The following NCS1 variants were observed in gnomAD, a reference collection of about 807,000 sequenced individuals.
NCS1 encodes the protein frequenin homolog.
Under a neutral mutation model 28.4 loss-of-function variants are expected in NCS1, and 6 were observed. The observed-to-expected ratio is 0.21, with a 90% CI of 0.12 to 0.42. The LOEUF is 0.42. Among genes scored for constraint, NCS1 ranks in the 10% least tolerant of loss-of-function variants. The pLI is 1.00. For missense variants in NCS1, 131 were observed against 241.4 expected, an observed-to-expected ratio of 0.54 and a Z score of 3.03; for synonymous variants, 86 against 99.3, an observed-to-expected ratio of 0.87 and a Z score of 0.79.
rs563467774 is a variant in NCS1, at chr9:130,192,951, G to A, written c.65-8007G>A. On this transcript the variant is annotated intron_variant, in intron 1 of 7. Transcript: ENST00000372398. This position sits in a 1 kb window ranked among gnomAD's most constrained non-coding sequence, Gnocchi z 4.8. ...GTCCTCTCTCACAGATGGGGAAACC[G>A]AAACCCAAACTGGGGAAAAAACCGG... Among the ~76,000 whole-genome samples the A allele has an allele frequency of 5.9e-5, 9 of 152,338 alleles. No individual in the cohort carries two copies. The East Asian group carries it at 1.2e-3, about 20-fold the overall frequency.
Position 130,178,223 on chromosome 9 carries a change from C to T in NCS1, c.64+5496C>T, listed in dbSNP as rs540507102. Among the ~76,000 whole-genome samples, 15 of 152,328 alleles carry T rather than the reference C, an allele frequency of 9.8e-5. No homozygotes were observed. In the South Asian group the frequency reaches 2.9e-3, roughly 29 times the overall value. ...AGCTGGTCCTTGGGGTGCAAGTCTT[C>T]CGCATCCAGGGCAGGTGGCCTGTGG... On this transcript the variant is annotated intron_variant, in intron 1 of 7. Coordinates refer to ENST00000372398, the MANE Select transcript of NCS1 (RefSeq NM_014286.4).
intron 1 of NCS1, among the ~76,000 whole-genome samples, chr9:130,176,753 A>T (rs1339303276): frequency 1.3e-5 from 2 of 152,230 alleles, no homozygotes; most frequent in African/African-American, 4.8e-5. Context: ...ACTGTGTGCC[A>T]GGCATGGAGA....
At chr9:130,218,157 CAATA>C (rs1833216231) in intron 3 of NCS1, among the ~76,000 whole-genome samples, 187 bp downstream of exon 3, 1 of 152,206 alleles carries the variant, frequency 6.6e-6, no homozygotes, top group Non-Finnish European at 1.5e-5. Context: ...TGCAGACACA[CAATA>C]AACACAGATG....
At chr9:130,194,514 C>A (rs1832854765) in intron 1 of NCS1, among the ~76,000 whole-genome samples, 1 of 152,154 alleles carries the variant, frequency 6.6e-6, no homozygotes, top group African/African-American at 2.4e-5. Context: ...AGTGGATGCC[C>A]AGCCCCCCCT....
intron 2 of NCS1, among the ~76,000 whole-genome samples, chr9:130,202,855 C>T (rs1554907592): frequency 6.6e-6 from 1 of 152,022 alleles, no homozygotes; most frequent in East Asian, 1.9e-4. Flanking sequence ...GCTGGGATTA[C>T]AGGAGTGAGC....
intron 1 of NCS1, among the ~76,000 whole-genome samples, chr9:130,187,239 C>T (rs782064814): frequency 6.6e-6 from 1 of 152,178 alleles, no homozygotes; most frequent in South Asian, 2.1e-4. Flanking sequence ...CGGCCTACAG[C>T]GAGCTCTGGC....
chr9:130,189,879 A>AATATAT lies in NCS1; in HGVS notation c.65-11054_65-11049dup, dbSNP rs1203988125. The stretch of plus-strand genomic sequence containing the variant: ...ATCTCAAAAAAAAAAAAAAAAAAAA[A>AATATAT]ATATATATATATATATATATATATA... On this transcript the variant is annotated intron_variant, in intron 1 of 7. Transcript: ENST00000372398. 4.2e-4 allele frequency among the ~76,000 whole-genome samples: 16 copies of AATATAT among 37,742 alleles called. 1 individual carries two copies. The highest frequency in any genetic ancestry group is 1.7e-3 in the East Asian group (2 of 1,180). The allele number at this position is 37,742 out of a possible 152,430, so 24.8% of individuals were successfully genotyped here.
chr9:130,174,323 C>T (rs1342437518), intron 1 of NCS1, among the ~76,000 whole-genome samples: 5 of 152,130 alleles, frequency 3.3e-5, no homozygotes, highest in African/African-American at 9.7e-5. Context: ...GAGCATGTCA[C>T]GTGCCAAGCT....
intron 7 of NCS1, among the ~76,000 whole-genome samples, chr9:130,231,315 G>A (rs1363163253): frequency 6.6e-6 from 1 of 151,562 alleles, no homozygotes; most frequent in African/African-American, 2.4e-5. Flanking sequence ...TTGCACCACC[G>A]CACTCCAGCC....
intron 2 of NCS1, among the ~76,000 whole-genome samples, chr9:130,211,336 G>A (rs1278433865): frequency 6.6e-6 from 1 of 151,694 alleles, no homozygotes; most frequent in Non-Finnish European, 1.5e-5. Context: ...ATCCTCTGGA[G>A]CCTGGAGATG....
At chr9:130,222,581 A>T in intron 4 of NCS1, 69 bp from the exon 5 acceptor site, 4 of 1,297,510 alleles carry the variant, frequency 3.1e-6, no homozygotes, top group Non-Finnish European at 4.5e-6. Flanking sequence ...TACAGAGAGG[A>T]GGGGCGAGTT....
At position 130,232,103 on chromosome 9, in the gene NCS1, C is replaced by T. The variant is rs1833508162; in HGVS notation, c.*18-887C>T. ...CTGGAATTATAGGTGTGCGCAGCCA[C>T]GTCCGGCTAATTTTTGTATTTTTGG... is the stretch of plus-strand genomic sequence containing the variant. On this transcript the variant is annotated intron_variant, in intron 7 of 7. Transcript: ENST00000372398. This position sits in a 1 kb window ranked among gnomAD's most constrained non-coding sequence, Gnocchi z 4.4. Among the ~76,000 whole-genome samples, 1 of 152,208 alleles carries T rather than the reference C, an allele frequency of 6.6e-6. No individual in the cohort carries two copies. The highest frequency in any genetic ancestry group is 1.9e-4 in the East Asian group (1 of 5,160).
At chr9:130,179,807 T>C (rs1832628329) in intron 1 of NCS1, among the ~76,000 whole-genome samples, 1 of 152,206 alleles carries the variant, frequency 6.6e-6, no homozygotes, top group South Asian at 2.1e-4. Context: ...GAGGAGACTC[T>C]TGGGGCCAAG....
At chr9:130,184,000 T>C (rs1554905417) in intron 1 of NCS1, among the ~76,000 whole-genome samples, 2 of 151,952 alleles carry the variant, frequency 1.3e-5, no homozygotes, top group Admixed American at 6.5e-5. Flanking sequence ...TTAGCAGAGA[T>C]GGGGTTTCAC....
chr9:130,236,934 G>C lies in NCS1; in HGVS notation c.*3962G>C, dbSNP rs1267022649. 1 of 152,250 alleles carries C rather than the reference G, an allele frequency of 6.6e-6. No homozygotes were observed. The highest frequency in any genetic ancestry group is 1.9e-4 in the East Asian group (1 of 5,186). The allele number at this position is 152,250 out of a possible 1,614,324, so 9.4% of individuals were successfully genotyped here. ...GGCCTGGTGAGACCCAAATGTGAGT[G>C]TCATCATCAAAGCCCCTCACAGAAG... On this transcript the variant is annotated 3_prime_UTR_variant, in exon 8 of 8. Coordinates refer to ENST00000372398, the MANE Select transcript of NCS1 (RefSeq NM_014286.4).
At chr9:130,206,001 A>C (rs959916977) in intron 2 of NCS1, among the ~76,000 whole-genome samples, 4 of 152,002 alleles carry the variant, frequency 2.6e-5, no homozygotes, top group African/African-American at 9.7e-5. Context: ...TCAGCCCACT[A>C]CCCACTTCAC....
rs547521516 is a variant in NCS1 at position 130,222,067 on chromosome 9, A to G, written c.308-583A>G. 3.2e-3 allele frequency among the ~76,000 whole-genome samples: 426 copies of G among 131,556 alleles called. 76 individuals are homozygous for G. Among genetic ancestry groups the G allele is most frequent in the East Asian group, 0.02 (89 of 4,498 alleles). The allele number at this position is 131,556 out of a possible 152,430, so 86.3% of individuals were successfully genotyped here. A position where few individuals can be genotyped will look rare whatever the true frequency, so the allele number is the denominator to read the frequency against. On this transcript the variant is annotated intron_variant, in intron 4 of 7. Transcript: ENST00000372398. ...TATAAATATATATACATAAATATAA[A>G]TTATGTATCTATAAATATATATATG...
At chr9:130,207,459 G>A (rs76552571) in intron 2 of NCS1, among the ~76,000 whole-genome samples, 5,549 of 152,290 alleles carry the variant, frequency 0.036, 337 homozygotes, top group African/African-American at 0.12. Flanking sequence ...GTGGCCTCCA[G>A]TCTCGGCATG....
intron 1 of NCS1, among the ~76,000 whole-genome samples, chr9:130,190,438 T>G (rs986417567): frequency 3.3e-5 from 5 of 152,210 alleles, no homozygotes; most frequent in Non-Finnish European, 7.3e-5. Context: ...TTTATCGCCC[T>G]TAGTTTTCTG....
Sources: gnomAD v4.1 joint callset for allele counts (sites outside exome capture counted in the v4.1 genomes callset) on GRCh38, gnomAD v4.1.1 for gene constraint, Gnocchi (gnomAD v3.1) non-coding constraint, MANE v1.5 for transcripts, NCBI Gene and HGNC (gene_info 2026-07-23, HGNC 2026-07-21) for gene names.